The following GALNTL6 variants were observed in gnomAD, a reference collection of about 807,000 sequenced individuals.
The protein encoded by GALNTL6 is polypeptide N-acetylgalactosaminyltransferase-like 6.
GALNTL6 carries 46 observed loss-of-function variants against 73.7 expected under a neutral mutation model. The observed-to-expected ratio is 0.62, with a 90% CI of 0.49 to 0.80. The LOEUF (loss-of-function observed/expected upper bound fraction) is 0.80. GALNTL6 is among the 30% of genes least tolerant of loss of function. The probability of loss-of-function intolerance (pLI) is 0.00; values close to 1 mark genes in which losing one functional copy is unlikely to be tolerated. For missense variants in GALNTL6, 604 were observed against 755.0 expected (o/e 0.80, Z 2.34); for synonymous variants, 259 against 263.7 (o/e 0.98, Z 0.17).
chr4:172,858,297 G>A (rs946096741), intron 7 of GALNTL6, among the ~76,000 whole-genome samples: 1 of 152,084 alleles, frequency 6.6e-6, no homozygotes, highest in Non-Finnish European at 1.5e-5. Context: ...TGTCTTCTTG[G>A]AGCTCATACT....
At chr4:172,523,360 T>A (rs1249481676) in intron 5 of GALNTL6, among the ~76,000 whole-genome samples, 2 of 152,000 alleles carry the variant, frequency 1.3e-5, no homozygotes, top group Non-Finnish European at 2.9e-5. Context: ...TTTTAGCACT[T>A]TATTTATCTA....
intron 5 of GALNTL6, chr4:172,667,934 C>T (rs1048710039): frequency 6.6e-6 from 1 of 152,150 alleles, no homozygotes; most frequent in African/African-American, 2.4e-5. Flanking sequence ...CAGCATTTTC[C>T]CCCGCATTAA....
chr4:171,986,801 C>T (rs191238860), intron 2 of GALNTL6, among the ~76,000 whole-genome samples: 91 of 152,152 alleles, frequency 6.0e-4, no homozygotes, highest in African/African-American at 2.1e-3. Context: ...TTGGGACGAC[C>T]CAGGACATCT....
At chr4:172,826,961 G>A (rs772825199) in intron 7 of GALNTL6, among the ~76,000 whole-genome samples, 2 of 152,178 alleles carry the variant, frequency 1.3e-5, no homozygotes, top group Non-Finnish European at 2.9e-5. Flanking sequence ...TCTTGATCAT[G>A]GGCCAAGTCA....
intron 10 of GALNTL6, among the ~76,000 whole-genome samples, chr4:172,963,479 G>A (rs1221826152): frequency 6.6e-6 from 1 of 152,128 alleles, no homozygotes; most frequent in Non-Finnish European, 1.5e-5. Context: ...GTGACACAAG[G>A]ATTTTGTTGG....
intron 2 of GALNTL6, among the ~76,000 whole-genome samples, chr4:172,207,914 T>C (rs558408513): frequency 2.0e-5 from 3 of 152,378 alleles, no homozygotes; most frequent in Admixed American, 2.0e-4. Context: ...ATATTTTCAT[T>C]CTGTATGACT....
In GALNTL6 at chr4:172,061,161, AT is replaced by A. The variant is rs144480979; in HGVS notation, c.139-168492del. Reference sequence around the variant, plus strand: ...ACTTATTTTTCTTCTTTAAAAGACTATTTGTAATACTAATAGAACTTTTCAG... The same window carrying A: ...ACTTATTTTTCTTCTTTAAAAGACTATTGTAATACTAATAGAACTTTTCAG... On this transcript the variant is annotated intron_variant, in intron 2 of 12. Transcript: ENST00000506823. 7.4e-3 allele frequency among the ~76,000 whole-genome samples: 1,133 copies of A among 152,222 alleles called. 11 individuals carry two copies. The highest frequency in any genetic ancestry group is 0.026 in the African/African-American group (1,061 of 41,540).
At position 172,261,525 on chromosome 4, in the gene GALNTL6, G is replaced by A. The variant is rs766955139; in HGVS notation, c.247+31761G>A. ...TTCTTGGTTAATCTCACTAATGTTC[G>A]ATCACTTTTGATTATTTTTTCAAAT... On this transcript the variant is annotated intron_variant, in intron 3 of 12. Transcript: ENST00000506823. Among the ~76,000 whole-genome samples the A allele has an allele frequency of 4.0e-5, 6 of 150,870 alleles. No homozygotes were observed. In the East Asian group the frequency reaches 9.7e-4, roughly 24 times the overall value.
intron 5 of GALNTL6, among the ~76,000 whole-genome samples, chr4:172,458,972 C>G (rs1409686584): frequency 6.6e-6 from 1 of 152,166 alleles, no homozygotes; most frequent in South Asian, 2.1e-4. Context: ...CAATAAAATA[C>G]TGGCAAACTA....
chr4:173,020,799 A>G (rs1385459791), intron 11 of GALNTL6, among the ~76,000 whole-genome samples: 2 of 152,218 alleles, frequency 1.3e-5, no homozygotes, highest in Non-Finnish European at 2.9e-5. Flanking sequence ...CTGGCCAGGC[A>G]CAGTGGCTCA....
chr4:172,225,833 G>A (rs1000275211), intron 2 of GALNTL6, among the ~76,000 whole-genome samples: 1 of 152,024 alleles, frequency 6.6e-6, no homozygotes. Flanking sequence ...AGGTAATGCT[G>A]ATGCTGCTGG....
At position 171,982,491 on chromosome 4, in the gene GALNTL6, G is replaced by A. The variant is rs186353654; in HGVS notation, c.138+167773G>A. On this transcript the variant is annotated intron_variant, in intron 2 of 12. Transcript: ENST00000506823. ...TTTTTTGTATTTTCATTAGAGACGG[G>A]GTTTCACTGTCTTAGCCAGGATGGT... Among the ~76,000 whole-genome samples, 9 of 152,108 alleles carry A rather than the reference G, an allele frequency of 5.9e-5. No homozygotes were observed. In the East Asian group the frequency reaches 1.7e-3, roughly 30 times the overall value.
Position 172,336,981 on chromosome 4 carries a change from G to C in GALNTL6, c.387-11542G>C, listed in dbSNP as rs185077091. Among the ~76,000 whole-genome samples, 122 of 152,170 alleles carry C rather than the reference G, an allele frequency of 8.0e-4. 2 individuals carry two copies. In the South Asian group the frequency reaches 0.016, roughly 19 times the overall value. On this transcript the variant is annotated intron_variant, in intron 4 of 12. Coordinates refer to ENST00000506823, the MANE Select transcript of GALNTL6 (RefSeq NM_001034845.3). ...AGTTAAGTATTATTGTTGAATTGAA[G>C]TCTTTATCATTATGCAATGCCCTAT... is the stretch of plus-strand genomic sequence containing the variant.
intron 5 of GALNTL6, among the ~76,000 whole-genome samples, chr4:172,623,354 C>CTTTTTAA (rs1360631949): frequency 6.6e-6 from 1 of 151,010 alleles, no homozygotes; most frequent in African/African-American, 2.4e-5. Flanking sequence ...ATTATGTGAT[C>CTTTTTAA]ATATGTATAT....
chr4:172,060,456 T>G (rs1731164141), intron 2 of GALNTL6, among the ~76,000 whole-genome samples: 1 of 152,200 alleles, frequency 6.6e-6, no homozygotes, highest in Non-Finnish European at 1.5e-5. Context: ...TTTCTCTATT[T>G]TTACATATAA....
At chr4:172,470,998 C>T (rs910078879) in intron 5 of GALNTL6, among the ~76,000 whole-genome samples, 2 of 152,122 alleles carry the variant, frequency 1.3e-5, no homozygotes, top group African/African-American at 4.8e-5. Context: ...CCAGTTTGTA[C>T]GTACCAGTTA....
intron 8 of GALNTL6, among the ~76,000 whole-genome samples, chr4:172,887,893 C>T (rs775907381): frequency 7.2e-5 from 11 of 152,092 alleles, no homozygotes; most frequent in Non-Finnish European, 1.2e-4. Context: ...AATAGCAATT[C>T]TGACCGGTGT....
intron 3 of GALNTL6, among the ~76,000 whole-genome samples, chr4:172,255,472 T>C (rs1738041382): frequency 3.3e-5 from 5 of 151,544 alleles, no homozygotes; most frequent in Admixed American, 2.0e-4. Context: ...CTTGCAAATA[T>C]ACCACAAGTT....
At chr4:172,306,925 C>G (rs989280814) in intron 3 of GALNTL6, among the ~76,000 whole-genome samples, 1 of 152,110 alleles carries the variant, frequency 6.6e-6, no homozygotes, top group African/African-American at 2.4e-5. Context: ...TATAAACATG[C>G]ATATGTAAGT....
Sources: allele counts gnomAD v4.1 joint callset (sites outside exome capture counted in the v4.1 genomes callset), GRCh38; gene constraint gnomAD v4.1.1; transcripts MANE v1.5; gene names NCBI Gene and HGNC (gene_info 2026-07-23, HGNC 2026-07-21).